GABRA5: variants seen among roughly 807,000 people sequenced by gnomAD.
The protein encoded by GABRA5 is gamma-aminobutyric acid type A receptor subunit alpha5.
In GABRA5, 18 loss-of-function variants were observed where a neutral mutation model predicts 47.3. That is an observed-to-expected ratio of 0.38 (90% CI 0.26 to 0.56). The LOEUF is 0.56. Among genes scored for constraint, GABRA5 ranks in the 20% least tolerant of loss-of-function variants. The pLI, the probability that GABRA5 is intolerant of heterozygous loss-of-function variation, is 0.71. For synonymous variants in GABRA5, 237 were observed against 229.3 expected, an observed-to-expected ratio of 1.03 and a Z score of -0.30; for missense variants, 365 against 599.3, an observed-to-expected ratio of 0.61 and a Z score of 4.08.
At chr15:26,906,812 G>T (rs1396215045) in intron 6 of GABRA5, among the ~76,000 whole-genome samples, 2 of 152,068 alleles carry the variant, frequency 1.3e-5, no homozygotes, top group Admixed American at 1.3e-4. Flanking sequence ...TCCATTTCAC[G>T]TCAATTATTA....
intron 6 of GABRA5, among the ~76,000 whole-genome samples, chr15:26,905,831 G>A (rs138584846): frequency 0.013 from 2,039 of 151,224 alleles, 49 homozygotes; most frequent in African/African-American, 0.047. Context: ...AATTTTTTTG[G>A]TTCTTTTTAT....
intron 6 of GABRA5, among the ~76,000 whole-genome samples, chr15:26,897,722 C>T (rs1004798570): frequency 6.6e-6 from 1 of 152,166 alleles, no homozygotes; most frequent in Non-Finnish European, 1.5e-5. Context: ...CAAGATGCCT[C>T]TCGTTACTTT....
At chr15:26,939,236 C>T (rs1395990976) in intron 8 of GABRA5, 2 of 765,262 alleles carry the variant, frequency 2.6e-6, no homozygotes, top group Non-Finnish European at 4.8e-6. Flanking sequence ...CAGCTCCTTA[C>T]CAGTTCACCG....
chr15:26,867,659 G>T lies in GABRA5; in HGVS notation c.-140+548G>T, dbSNP rs531017257. Among the ~76,000 whole-genome samples, 255 of 152,128 alleles carry T rather than the reference G, an allele frequency of 1.7e-3. 1 individual carries two copies. Among genetic ancestry groups the T allele is most frequent in the African/African-American group, 5.7e-3 (237 of 41,546 alleles). Reference sequence around the variant, plus strand: ...GACGGGGCACCAGGGCGCGGTGACCGGTTGGGGGTGGGGGACACCCGTTGC... The same window carrying T: ...GACGGGGCACCAGGGCGCGGTGACCTGTTGGGGGTGGGGGACACCCGTTGC... On this transcript the variant is annotated intron_variant, in intron 1 of 10. Coordinates refer to ENST00000335625, the MANE Select transcript of GABRA5 (RefSeq NM_000810.4). The surrounding 1 kb of genome is among the most constrained non-coding windows in gnomAD (Gnocchi z 5.9).
At chr15:26,895,656 CA>C (rs535927771) in intron 6 of GABRA5, among the ~76,000 whole-genome samples, 1 of 151,358 alleles carries the variant, frequency 6.6e-6, no homozygotes, top group Non-Finnish European at 1.5e-5. Flanking sequence ...ACTAAAAATA[CA>C]AAAAAAGTAG....
intron 6 of GABRA5, among the ~76,000 whole-genome samples, chr15:26,912,692 G>C (rs544401943): frequency 1.3e-5 from 2 of 152,194 alleles, no homozygotes; most frequent in African/African-American, 2.4e-5. Context: ...ATTATATAAA[G>C]ATTTTGGTGA....
intron 7 of GABRA5, 137 bp downstream of exon 7, chr15:26,915,022 T>C: frequency 2.8e-6 from 2 of 721,650 alleles, no homozygotes; most frequent in South Asian, 3.2e-5. Context: ...GAGAGTGTAT[T>C]GTTCTCCCCA....
At chr15:26,915,976 T>C (rs1311899252) in intron 7 of GABRA5, among the ~76,000 whole-genome samples, 1 of 152,218 alleles carries the variant, frequency 6.6e-6, no homozygotes, top group Non-Finnish European at 1.5e-5. Flanking sequence ...ATTATATTTA[T>C]AGCTTCTTGA....
At chr15:26,898,659 G>A (rs945819398) in intron 6 of GABRA5, among the ~76,000 whole-genome samples, 2 of 151,648 alleles carry the variant, frequency 1.3e-5, no homozygotes, top group Non-Finnish European at 2.9e-5. Flanking sequence ...CAAGCTATGG[G>A]CTTTCTTATC....
At chr15:26,923,412 C>T (rs1893886535) in intron 7 of GABRA5, among the ~76,000 whole-genome samples, 1 of 152,112 alleles carries the variant, frequency 6.6e-6, no homozygotes, top group African/African-American at 2.4e-5. Flanking sequence ...GAAAAATGTG[C>T]CACTTCCTTC....
In GABRA5 at chr15:26,880,883, A is replaced by G; in HGVS notation, c.124A>G (p.Thr42Ala). 1 of 1,613,980 alleles carries G rather than the reference A, an allele frequency of 6.2e-7. No homozygotes were observed. Among genetic ancestry groups the G allele is most frequent in the Non-Finnish European group, 8.5e-7 (1 of 1,179,854 alleles). The change falls in exon 4 of 11, where the codon ACC (threonine) becomes GCC (alanine). Residue 42 changes from threonine (T) to alanine (A), a missense_variant. Physicochemically the swap from Thr to Ala is moderately conservative, Grantham distance 58. This residue lies in a region of GABRA5 where 216 missense variants were observed against 335.3 expected (regional missense o/e 0.64). Transcript: ENST00000335625. ...GCCAACCAGTTCAGTGAAAGATGAG[A>G]CCAATGACAACATCACGATATTTAC... ...QMPTSSVKDE[T>A]NDNITIFTRI...
chr15:26,923,397 C>T (rs1364687656), intron 7 of GABRA5, among the ~76,000 whole-genome samples: 3 of 152,090 alleles, frequency 2.0e-5, no homozygotes, highest in African/African-American at 2.4e-5. Flanking sequence ...GTTCTTTTGG[C>T]GCTTGAAAAA....
chr15:26,876,393 A>G (rs771684798), intron 3 of GABRA5, among the ~76,000 whole-genome samples: 1 of 152,182 alleles, frequency 6.6e-6, no homozygotes, highest in Non-Finnish European at 1.5e-5. Flanking sequence ...GCCCTGGGGC[A>G]TGCTTGTGTT....
rs558382469 is a variant in GABRA5 at position 26,948,494 on chromosome 15, T to C, written c.*261T>C. On this transcript the variant is annotated 3_prime_UTR_variant, in exon 11 of 11. Transcript: ENST00000335625. The stretch of plus-strand genomic sequence containing the variant: ...ACTGACACTCAGATGCCCAGTATCA[T>C]ACGTTGATAGTTTACAAACAAGATA... The C allele has an allele frequency of 6.6e-6, 3 of 451,348 alleles. No individual in the cohort carries two copies. The highest frequency in any genetic ancestry group is 3.5e-5 in the East Asian group (1 of 28,968). The allele number at this position is 451,348 out of a possible 1,614,324, so 28.0% of individuals were successfully genotyped here.
intron 3 of GABRA5, 32 bp downstream of exon 3, chr15:26,869,366 T>C: frequency 2.3e-6 from 3 of 1,312,220 alleles, no homozygotes; most frequent in African/African-American, 1.4e-5. Context: ...TATTTTATGA[T>C]GTTAGGGACA....
intron 4 of GABRA5, among the ~76,000 whole-genome samples, chr15:26,882,802 C>T (rs907045028): frequency 6.6e-6 from 1 of 152,114 alleles, no homozygotes; most frequent in Non-Finnish European, 1.5e-5. Context: ...CGGCGTGGCC[C>T]TGAGCTGCCA....
At chr15:26,879,964 C>G (rs573203702) in intron 3 of GABRA5, among the ~76,000 whole-genome samples, 1 of 152,288 alleles carries the variant, frequency 6.6e-6, no homozygotes, top group South Asian at 2.1e-4. Flanking sequence ...AAACCAGTTG[C>G]TATTTGCACA....
chr15:26,932,280 A>C (rs1371464981), intron 7 of GABRA5, among the ~76,000 whole-genome samples: 3 of 152,220 alleles, frequency 2.0e-5, no homozygotes, highest in Non-Finnish European at 4.4e-5. Flanking sequence ...CAAGGAAAAA[A>C]ACAACCCCAT....
chr15:26,899,728 G>A (rs1011118485), intron 6 of GABRA5, among the ~76,000 whole-genome samples: 2 of 151,990 alleles, frequency 1.3e-5, no homozygotes, highest in African/African-American at 2.4e-5. Flanking sequence ...CTTTGGTTTT[G>A]ATGTCAATGG....
Sources: allele counts gnomAD v4.1 joint callset (sites outside exome capture counted in the v4.1 genomes callset), GRCh38; gene constraint gnomAD v4.1.1; regional missense constraint gnomAD v4.1.1; non-coding constraint Gnocchi (gnomAD v3.1); transcripts MANE v1.5; gene names NCBI Gene and HGNC (gene_info 2026-07-23, HGNC 2026-07-21).